SBF2: variants seen among roughly 807,000 people sequenced by gnomAD.
SBF2 encodes the protein SET binding factor 2, also known as myotubularin-related protein 13.
SBF2 carries 112 observed loss-of-function variants against 225.2 expected under a neutral mutation model. The ratio of observed to expected loss-of-function variants is 0.50; its 90% CI spans 0.43 to 0.58. The LOEUF is 0.58. SBF2 is among the 20% of genes least tolerant of loss of function. SBF2 has a pLI of 0.00. For missense variants in SBF2, 1,996 were observed against 2,206.2 expected, an observed-to-expected ratio of 0.90 and a Z score of 1.91; for synonymous variants, 763 against 773.3, an observed-to-expected ratio of 0.99 and a Z score of 0.22.
At chr11:9,798,901 G>A (rs1249053494) in intron 32 of SBF2, among the ~76,000 whole-genome samples, 3 of 146,678 alleles carry the variant, frequency 2.0e-5, no homozygotes, top group Admixed American at 6.9e-5. Context: ...GCAGTGAGCC[G>A]AGATCGCGCC....
intron 17 of SBF2, among the ~76,000 whole-genome samples, chr11:9,872,389 T>C (rs898342051): frequency 1.3e-5 from 2 of 152,184 alleles, no homozygotes; most frequent in South Asian, 2.1e-4. Flanking sequence ...TGCAGCAAAC[T>C]ACCTTGGCAT....
At chr11:9,990,778 A>C (rs1401651878) in intron 12 of SBF2, among the ~76,000 whole-genome samples, 2 of 152,212 alleles carry the variant, frequency 1.3e-5, no homozygotes, top group African/African-American at 4.8e-5. Flanking sequence ...TTACCATATA[A>C]AGTTAGAGAC....
chr11:9,938,542 C>T (rs1011531278), intron 16 of SBF2, among the ~76,000 whole-genome samples: 6 of 150,646 alleles, frequency 4.0e-5, no homozygotes, highest in South Asian at 2.1e-4. Flanking sequence ...ATATGGTATT[C>T]GTTTAGAAAT....
chr11:10,244,735 C>T (rs1233040901), intron 1 of SBF2, among the ~76,000 whole-genome samples: 1 of 152,086 alleles, frequency 6.6e-6, no homozygotes, highest in African/African-American at 2.4e-5. Context: ...AACACAAAGG[C>T]AACCTATGGA....
At chr11:10,262,971 A>G (rs918079698) in intron 1 of SBF2, among the ~76,000 whole-genome samples, 3 of 152,136 alleles carry the variant, frequency 2.0e-5, no homozygotes, top group African/African-American at 7.2e-5. Flanking sequence ...ACTTGCATTA[A>G]CAAGTAATGA....
At chr11:10,243,238 G>A (rs1323106488) in intron 1 of SBF2, among the ~76,000 whole-genome samples, 1 of 151,782 alleles carries the variant, frequency 6.6e-6, no homozygotes, top group Admixed American at 6.6e-5. Flanking sequence ...ATGGGTCAAA[G>A]AAGAAACCAA....
At chr11:9,784,237 A>G in intron 38 of SBF2, 114 bp downstream of exon 38, 4 of 812,016 alleles carry the variant, frequency 4.9e-6, no homozygotes, top group Non-Finnish European at 8.6e-6. Flanking sequence ...TATGAGAGGC[A>G]CTAAAAAAGC....
At chr11:10,025,876 C>T (rs905693474) in intron 6 of SBF2, among the ~76,000 whole-genome samples, 44 of 152,166 alleles carry the variant, frequency 2.9e-4, no homozygotes, top group African/African-American at 1.1e-3. Context: ...GCTGGGATTA[C>T]AGGCATGAGC....
At chr11:10,140,349 G>C (rs569685906) in intron 2 of SBF2, among the ~76,000 whole-genome samples, 2 of 152,298 alleles carry the variant, frequency 1.3e-5, no homozygotes, top group Admixed American at 6.5e-5. Flanking sequence ...TACAAAGAGG[G>C]ACTGGCAATT....
chr11:10,154,380 T>C (rs1395960364), intron 2 of SBF2, among the ~76,000 whole-genome samples: 1 of 152,134 alleles, frequency 6.6e-6, no homozygotes, highest in Non-Finnish European at 1.5e-5. Context: ...AGTTTCGGTA[T>C]TTTCTTCTGG....
chr11:10,213,698 A>G (rs1377725355), intron 1 of SBF2, among the ~76,000 whole-genome samples: 1 of 152,192 alleles, frequency 6.6e-6, no homozygotes, highest in Non-Finnish European at 1.5e-5. Context: ...TCACTCAACA[A>G]GCTGAAGTCA....
chr11:10,011,537 T>C (rs1948461579), intron 6 of SBF2, among the ~76,000 whole-genome samples: 1 of 152,248 alleles, frequency 6.6e-6, no homozygotes, highest in African/African-American at 2.4e-5. Flanking sequence ...GTATTTCTTA[T>C]AGAGCAGGTC....
chr11:9,882,609 C>A (rs957479245), intron 17 of SBF2, among the ~76,000 whole-genome samples: 21 of 152,032 alleles, frequency 1.4e-4, no homozygotes, highest in Non-Finnish European at 2.4e-4. Context: ...GAGATCGAGA[C>A]CATCCTGGCT....
At chr11:10,036,688 C>G (rs1949451236) in intron 3 of SBF2, among the ~76,000 whole-genome samples, 1 of 152,130 alleles carries the variant, frequency 6.6e-6, no homozygotes, top group African/African-American at 2.4e-5. Flanking sequence ...GATTAACAAG[C>G]CAAGTCTTCT....
At chr11:10,173,993 C>T (rs914265231) in intron 2 of SBF2, among the ~76,000 whole-genome samples, 38 of 152,066 alleles carry the variant, frequency 2.5e-4, no homozygotes, top group African/African-American at 7.0e-4. Flanking sequence ...AGGACATCCA[C>T]GCCAAAAACC....
chr11:10,272,846 A>G (rs34087225), intron 1 of SBF2, among the ~76,000 whole-genome samples: 71,053 of 151,434 alleles, frequency 0.47, 17,272 homozygotes, highest in Non-Finnish European at 0.54. Flanking sequence ...CCAGGTGGAC[A>G]GATCACCTGA....
chr11:10,301,947 G>T (rs1478597269), intron 1 of SBF2, among the ~76,000 whole-genome samples: 1 of 152,018 alleles, frequency 6.6e-6, no homozygotes. Context: ...TGAAATTCTG[G>T]AGCACACAAA....
intron 1 of SBF2, among the ~76,000 whole-genome samples, chr11:10,224,027 G>A (rs1420777056): frequency 6.6e-6 from 1 of 151,976 alleles, no homozygotes; most frequent in East Asian, 1.9e-4. Flanking sequence ...CAGTGTTTGT[G>A]GCGTAAGTTT....
chr11:10,251,013 T>G (rs1482526868), intron 1 of SBF2, among the ~76,000 whole-genome samples: 3 of 152,206 alleles, frequency 2.0e-5, no homozygotes, highest in Admixed American at 6.5e-5. Context: ...TTCGAATATT[T>G]TTTCCTTATT....
Sources: gnomAD v4.1 joint callset for allele counts (sites outside exome capture counted in the v4.1 genomes callset) on GRCh38, gnomAD v4.1.1 for gene constraint, MANE v1.5 for transcripts, NCBI Gene and HGNC (gene_info 2026-07-23, HGNC 2026-07-21) for gene names.